RASA3: variants seen among roughly 807,000 people sequenced by gnomAD.
RASA3 encodes the protein ras GTPase-activating protein 3.
RASA3 carries 73 observed loss-of-function variants against 110.0 expected under a neutral mutation model. The ratio of observed to expected loss-of-function variants is 0.66; its 90% CI spans 0.55 to 0.81. The LOEUF (loss-of-function observed/expected upper bound fraction) is 0.81, where lower values mean the gene tolerates loss of function less well. Ranked by LOEUF, RASA3 falls within the 30% of genes least tolerant of loss-of-function variation. The pLI is 0.00. For missense variants in RASA3, 976 were observed against 1,113.2 expected (o/e 0.88, Z 1.75); for synonymous variants, 500 against 451.4 (o/e 1.11, Z -1.37).
At chr13:114,127,366 A>G (rs906295261) in intron 1 of RASA3, among the ~76,000 whole-genome samples, 12 of 152,206 alleles carry the variant, frequency 7.9e-5, no homozygotes, top group African/African-American at 2.9e-4. Context: ...ACACACCTGA[A>G]GGCTGGATGG....
rs909403294 is a variant in RASA3, at chr13:114,080,879, C to T, written c.56-7042G>A. ...CCAATAGTGCCGTGTGGCAGAGGGC[C>T]GTCCACCCAAAACACCAATAGTGCC... On this transcript the variant is annotated intron_variant, in intron 1 of 23. Coordinates refer to ENST00000334062, the MANE Select transcript of RASA3 (RefSeq NM_007368.4). 6.6e-5 allele frequency among the ~76,000 whole-genome samples: 10 copies of T among 152,018 alleles called. No homozygotes were observed. In the South Asian group the frequency reaches 1.5e-3, roughly 22 times the overall value.
intron 1 of RASA3, among the ~76,000 whole-genome samples, chr13:114,116,192 T>C (rs1469037570): frequency 6.6e-6 from 1 of 152,216 alleles, no homozygotes; most frequent in African/African-American, 2.4e-5. Flanking sequence ...CCTGAAGTTT[T>C]TGGCCTTGAG....
At chr13:114,034,472 G>T (rs756460028) in intron 4 of RASA3, among the ~76,000 whole-genome samples, 2 of 152,076 alleles carry the variant, frequency 1.3e-5, no homozygotes, top group Non-Finnish European at 2.9e-5. Context: ...GTGCTCTCCC[G>T]GCTCCTGGCC....
At chr13:114,087,370 G>A (rs989892583) in intron 1 of RASA3, among the ~76,000 whole-genome samples, 2 of 152,208 alleles carry the variant, frequency 1.3e-5, no homozygotes, top group East Asian at 1.9e-4. Context: ...TATTCCCTTC[G>A]TCCTCAGCGT....
chr13:113,981,019 A>T (rs544098176), intron 23 of RASA3, among the ~76,000 whole-genome samples: 1 of 152,334 alleles, frequency 6.6e-6, no homozygotes, highest in South Asian at 2.1e-4. Context: ...GGCTTCTGCC[A>T]TGGTGGACCT....
chr13:114,015,465 C>A, intron 13 of RASA3, 133 bp from the exon 14 acceptor site: 1 of 1,092,066 alleles, frequency 9.2e-7, no homozygotes, highest in Non-Finnish European at 1.3e-6. Flanking sequence ...CAGTGAGACA[C>A]GTGTGAACAG....
At chr13:113,998,387 C>T (rs2053305280) in intron 20 of RASA3, among the ~76,000 whole-genome samples, 1 of 152,226 alleles carries the variant, frequency 6.6e-6, no homozygotes, top group Non-Finnish European at 1.5e-5. Flanking sequence ...CTGTGAATAA[C>T]ATGCTAGTAA....
chr13:114,092,435 G>A (rs529270493), intron 1 of RASA3, among the ~76,000 whole-genome samples: 1 of 152,184 alleles, frequency 6.6e-6, no homozygotes, highest in East Asian at 1.9e-4. Context: ...TGGTCATTCG[G>A]GAGCATGTTG....
chr13:114,020,147 CTGT>C lies in RASA3; in HGVS notation c.786-1231_786-1229del. Among the ~76,000 whole-genome samples, 2 of 57,152 alleles carry C rather than the reference CTGT, an allele frequency of 3.5e-5. 1 individual carries two copies. Among genetic ancestry groups the C allele is most frequent in the African/African-American group, 2.3e-4 (2 of 8,536 alleles). 37.5% of individuals were successfully genotyped at this position (57,152 alleles called of 152,430 possible). A position where few individuals can be genotyped will look rare whatever the true frequency, so the allele number is the denominator to read the frequency against. On this transcript the variant is annotated intron_variant, in intron 9 of 23. Coordinates refer to ENST00000334062, the MANE Select transcript of RASA3 (RefSeq NM_007368.4). ...GCCTGTGTCCGAGGCATTAGCAGCC[CTGT>C]CAGGTGGGTGGAGCCTGTGTCCGAG...
intron 2 of RASA3, among the ~76,000 whole-genome samples, chr13:114,061,333 C>T (rs1393952363): frequency 2.0e-5 from 3 of 152,050 alleles, no homozygotes; most frequent in Non-Finnish European, 2.9e-5. Flanking sequence ...CCGCAAACTA[C>T]GGTTGCCTGA....
At chr13:114,101,842 C>T (rs1001873994) in intron 1 of RASA3, among the ~76,000 whole-genome samples, 4 of 152,150 alleles carry the variant, frequency 2.6e-5, no homozygotes, top group South Asian at 4.1e-4. Context: ...GGAAAACATA[C>T]GGAAAATGTC....
intron 12 of RASA3, among the ~76,000 whole-genome samples, chr13:114,016,716 C>T (rs2053800648): frequency 6.6e-6 from 1 of 152,250 alleles, no homozygotes; most frequent in South Asian, 2.1e-4. Flanking sequence ...CTTCAAAATG[C>T]TGCCATGATT....
At chr13:114,105,360 T>G (rs1594461613) in intron 1 of RASA3, among the ~76,000 whole-genome samples, 1 of 86,452 alleles carries the variant, frequency 1.2e-5, no homozygotes, top group Non-Finnish European at 2.1e-5. Flanking sequence ...CAGAGGCAGG[T>G]TCACAGCAGC....
At chr13:114,081,751 A>G (rs2079791734) in intron 1 of RASA3, among the ~76,000 whole-genome samples, 1 of 152,186 alleles carries the variant, frequency 6.6e-6, no homozygotes, top group Non-Finnish European at 1.5e-5. Flanking sequence ...CCCAGGGAAT[A>G]ACGAGGAAAG....
intron 8 of RASA3, among the ~76,000 whole-genome samples, chr13:114,022,422 G>C (rs74116432): frequency 6.6e-6 from 1 of 152,160 alleles, no homozygotes; most frequent in African/African-American, 2.4e-5. Flanking sequence ...CCCTACCCAC[G>C]GGCCTGAAAC....
intron 18 of RASA3, among the ~76,000 whole-genome samples, chr13:114,004,599 G>A (rs1193488065): frequency 1.3e-5 from 2 of 152,138 alleles, no homozygotes; most frequent in East Asian, 1.9e-4. Context: ...CCCAGCTCAC[G>A]CCGGGCAGAA....
At chr13:114,030,454 G>GAGAGCAAGA (rs1566501682) in intron 4 of RASA3, among the ~76,000 whole-genome samples, 9 of 112,610 alleles carry the variant, frequency 8.0e-5, no homozygotes, top group African/African-American at 3.2e-4. Flanking sequence ...AGAGGGCAAG[G>GAGAGCAAGA]CTCACACAGA....
intron 3 of RASA3, among the ~76,000 whole-genome samples, chr13:114,046,503 T>C (rs1473683076): frequency 6.6e-6 from 1 of 152,234 alleles, no homozygotes; most frequent in East Asian, 1.9e-4. Flanking sequence ...CTTTTAACTA[T>C]ATGTCAATTA....
At chr13:114,101,320 A>G (rs1321359102) in intron 1 of RASA3, among the ~76,000 whole-genome samples, 1 of 152,082 alleles carries the variant, frequency 6.6e-6, no homozygotes, top group Non-Finnish European at 1.5e-5. Context: ...AGCGAGGTCT[A>G]CCCCCAACCA....
Sources: gnomAD v4.1 joint callset for allele counts (sites outside exome capture counted in the v4.1 genomes callset) on GRCh38, gnomAD v4.1.1 for gene constraint, MANE v1.5 for transcripts, NCBI Gene and HGNC (gene_info 2026-07-23, HGNC 2026-07-21) for gene names.